EIF3B: variants seen among roughly 807,000 people sequenced by gnomAD.
EIF3B encodes eukaryotic translation initiation factor 3 subunit 9.
Under a neutral mutation model 104.6 loss-of-function variants are expected in EIF3B, and 10 were observed. The observed-to-expected ratio is 0.10, with a 90% confidence interval of 0.06 to 0.16. The LOEUF (loss-of-function observed/expected upper bound fraction) is 0.16, where lower values mean the gene tolerates loss of function less well. Ranked by LOEUF, EIF3B falls within the 10% of genes least tolerant of loss-of-function variation. The pLI is 1.00. For synonymous variants in EIF3B, 542 were observed against 417.2 expected, an observed-to-expected ratio of 1.30 and a Z score of -3.65; for missense variants, 1,014 against 1,087.9, an observed-to-expected ratio of 0.93 and a Z score of 0.96.
chr7:2,358,414 G>C (rs1302881067), intron 1 of EIF3B, among the ~76,000 whole-genome samples: 2 of 151,862 alleles, frequency 1.3e-5, no homozygotes, highest in African/African-American at 4.8e-5. Context: ...GTGTTTTTTT[G>C]AGACGGAGTC....
intron 3 of EIF3B, 71 bp downstream of exon 3, chr7:2,362,835 G>T: frequency 3.1e-6 from 5 of 1,591,626 alleles, no homozygotes; most frequent in Non-Finnish European, 4.3e-6. Context: ...GGGTGGCTTG[G>T]TGCTTCTCGG....
chr7:2,359,159 G>T (rs753295155), intron 1 of EIF3B, among the ~76,000 whole-genome samples: 14 of 152,220 alleles, frequency 9.2e-5, no homozygotes, highest in Non-Finnish European at 1.8e-4. Context: ...GGCTCTTTGT[G>T]ATATAATTAA....
At chr7:2,370,703 G>A (rs934917784) in intron 10 of EIF3B, among the ~76,000 whole-genome samples, 1 of 152,070 alleles carries the variant, frequency 6.6e-6, no homozygotes, top group African/African-American at 2.4e-5. Flanking sequence ...GGGGTGGGAG[G>A]GAGGATAGCT....
chr7:2,371,193 C>T (rs527427805), intron 10 of EIF3B, among the ~76,000 whole-genome samples: 9 of 152,378 alleles, frequency 5.9e-5, no homozygotes, highest in African/African-American at 1.7e-4. Context: ...CAGCTGGAAT[C>T]GGATACTATG....
chr7:2,368,032 G>A lies in EIF3B; in HGVS notation c.1403+987G>A, dbSNP rs573189200. Among the ~76,000 whole-genome samples, 53 of 151,126 alleles carry A rather than the reference G, an allele frequency of 3.5e-4. 1 individual carries two copies. Among genetic ancestry groups the A allele is most frequent in the African/African-American group, 8.5e-4 (35 of 41,162 alleles). On this transcript the variant is annotated intron_variant, in intron 9 of 18. Coordinates refer to ENST00000360876, the MANE Select transcript of EIF3B (RefSeq NM_001037283.2). ...TAATTTTTGTATTTTTAGTAGAGATGGGGTTTCACTGTGTTGGCCATGCTG... is the reference window on the plus strand; with the variant it reads ...TAATTTTTGTATTTTTAGTAGAGATAGGGTTTCACTGTGTTGGCCATGCTG...
Position 2,375,450 on chromosome 7 carries a change from C to T in EIF3B, c.1951C>T (p.His651Tyr). ...CTGCACGGTCATGAACATCGCAGAGCACTACATGGCTTCCGACGTCGAATG... is the reference window on the plus strand; with the variant it reads ...CTGCACGGTCATGAACATCGCAGAGTACTACATGGCTTCCGACGTCGAATG... ...SDCTVMNIAE[H>Y]YMASDVEWDP... The change falls in exon 14 of 19, where the codon CAC becomes TAC. Residue 651 changes from histidine to tyrosine, a missense_variant. Around this residue, in one of 4 missense-constraint regions of EIF3B, gnomAD observed 266 missense variants for 324.0 expected, o/e 0.82. Coordinates refer to ENST00000360876, the MANE Select transcript of EIF3B (RefSeq NM_001037283.2). 6.2e-7 allele frequency: 1 copy of T among 1,614,218 alleles called. No homozygotes were observed. Among genetic ancestry groups the T allele is most frequent in the Non-Finnish European group, 8.5e-7 (1 of 1,180,040 alleles).
intron 4 of EIF3B, 71 bp from the exon 5 acceptor site, chr7:2,363,561 A>G (rs183152608): frequency 3.0e-5 from 42 of 1,405,076 alleles, no homozygotes; most frequent in East Asian, 2.4e-4. Flanking sequence ...CATATCTTTA[A>G]GAGCAATAGT....
At chr7:2,378,488 A>G in intron 15 of EIF3B, 1 of 255,888 alleles carries the variant, frequency 3.9e-6, no homozygotes, top group Middle Eastern at 5.3e-4. Flanking sequence ...TCATGGAGGA[A>G]GGAGCAGGCG....
intron 18 of EIF3B, 91 bp from the exon 19 acceptor site, chr7:2,380,113 G>A (rs550603793): frequency 1.9e-5 from 6 of 313,076 alleles, no homozygotes; most frequent in African/African-American, 4.4e-5. Flanking sequence ...CTCCTCTTGC[G>A]GGACTCAACG....
rs564214741 is a variant in EIF3B at position 2,354,846 on chromosome 7, C to A, written c.-76C>A. 164 of 1,057,602 alleles carry A rather than the reference C, an allele frequency of 1.6e-4. 1 individual carries two copies. Among genetic ancestry groups the A allele is most frequent in the South Asian group, 2.9e-4 (7 of 24,102 alleles). 65.5% of individuals were successfully genotyped at this position (1,057,602 alleles called of 1,614,324 possible). ...ACGCACATGGCTGGGCTGTAGCCGT[C>A]GCGGCGCGCGGTGCGGCCTGGGAGA... On this transcript the variant is annotated 5_prime_UTR_variant, in exon 1 of 19. Coordinates refer to ENST00000360876, the MANE Select transcript of EIF3B (RefSeq NM_001037283.2).
chr7:2,361,459 G>A (rs902232311), intron 2 of EIF3B, among the ~76,000 whole-genome samples: 2 of 151,762 alleles, frequency 1.3e-5, no homozygotes, highest in Non-Finnish European at 2.9e-5. Flanking sequence ...TCGCTCTGTC[G>A]CCCAGGCTGG....
intron 14 of EIF3B, 64 bp downstream of exon 14, chr7:2,375,591 A>T (rs1562490776): frequency 1.9e-6 from 3 of 1,605,654 alleles, no homozygotes; most frequent in Non-Finnish European, 2.6e-6. Flanking sequence ...CTAGCTGCTG[A>T]CTCTGGTGCT....
In EIF3B at chr7:2,376,944, G is replaced by T. The variant is rs1327734466; in HGVS notation, c.2029-6G>T. 3.1e-6 allele frequency: 5 copies of T among 1,613,088 alleles called. No homozygotes were observed. Among genetic ancestry groups the T allele is most frequent in the Non-Finnish European group, 4.2e-6 (5 of 1,179,546 alleles). ...TGTGTCCTGGTGTGTCCCTGCCCTG[G>T]CCTAGGTGGACAACGCGTACTGGCT... is the stretch of plus-strand genomic sequence containing the variant. On this transcript the variant is annotated splice_polypyrimidine_tract_variant and splice_region_variant and intron_variant, in intron 14 of 18. Coordinates refer to ENST00000360876, the MANE Select transcript of EIF3B (RefSeq NM_001037283.2).
chr7:2,361,015 G>A lies in EIF3B; in HGVS notation c.692+113G>A, dbSNP rs61607636. 1.9e-3 allele frequency: 1,513 copies of A among 784,884 alleles called. 10 individuals are homozygous for A. In the African/African-American group the frequency reaches 0.023, roughly 12 times the overall value. The allele number at this position is 784,884 out of a possible 1,614,324, so 48.6% of individuals were successfully genotyped here. On this transcript the variant is annotated intron_variant, in intron 2 of 18. Coordinates refer to ENST00000360876, the MANE Select transcript of EIF3B (RefSeq NM_001037283.2). ...CCTGCCTTGCCCAGGCACGTGGGCC[G>A]TTCACTTCTTCAGGCCGCCCTCAGC... is the stretch of plus-strand genomic sequence containing the variant.
intron 18 of EIF3B, 96 bp downstream of exon 18, chr7:2,379,607 G>T (rs2115346889): frequency 3.9e-6 from 3 of 773,204 alleles, no homozygotes; most frequent in Non-Finnish European, 6.5e-6. Flanking sequence ...TTAAGGCAGG[G>T]GTGAAGGGTG....
chr7:2,374,639 G>A (rs745658779), intron 13 of EIF3B, 33 bp downstream of exon 13: 4 of 1,601,314 alleles, frequency 2.5e-6, no homozygotes, highest in East Asian at 4.5e-5. Flanking sequence ...TGTCCGCCCT[G>A]TGAGTAGCGC....
chr7:2,377,039 C>T lies in EIF3B; in HGVS notation c.2118C>T (p.Pro706=). 2 of 1,613,686 alleles carry T rather than the reference C, an allele frequency of 1.2e-6. No homozygotes were observed. Among genetic ancestry groups the T allele is most frequent in the Non-Finnish European group, 1.7e-6 (2 of 1,179,976 alleles). Reference sequence around the variant, plus strand: ...GCTTCTGCCAGCTGCTGTGGCGGCCCCGGCCTCCCACACTCCTGAGCCAGG... The same window carrying T: ...GCTTCTGCCAGCTGCTGTGGCGGCCTCGGCCTCCCACACTCCTGAGCCAGG... ...KDRFCQLLWR[P]RPPTLLSQEQ... The change falls in exon 15 of 19, where the codon CCC becomes CCT. Residue 706 remains proline, a synonymous_variant. Coordinates refer to ENST00000360876, the MANE Select transcript of EIF3B (RefSeq NM_001037283.2).
At chr7:2,367,829 T>A (rs1341214995) in intron 9 of EIF3B, among the ~76,000 whole-genome samples, 13 of 23,972 alleles carry the variant, frequency 5.4e-4, no homozygotes, top group South Asian at 4.0e-3. Context: ...TTTAAAATTT[T>A]TTTTTTTTTT....
At chr7:2,378,863 C>T (rs1173587341) in intron 16 of EIF3B, 97 bp downstream of exon 16, 1 of 1,107,504 alleles carries the variant, frequency 9.0e-7, no homozygotes, top group Non-Finnish European at 1.3e-6. Flanking sequence ...CTCAGAGTTG[C>T]CTCTGCTCCG....
Sources: gnomAD v4.1 joint callset for allele counts (sites outside exome capture counted in the v4.1 genomes callset) on GRCh38, gnomAD v4.1.1 for gene constraint, gnomAD v4.1.1 regional missense constraint, MANE v1.5 for transcripts, NCBI Gene and HGNC (gene_info 2026-07-23, HGNC 2026-07-21) for gene names.